Variants in SORBS2 observed in about 807,000 individuals in gnomAD.
SORBS2 encodes sorbin and SH3 domain containing 2, also known as sorbin and SH3 domain-containing protein 2.
Under a neutral mutation model 97.7 loss-of-function variants are expected in SORBS2, and 46 were observed. The observed-to-expected ratio is 0.47, with a 90% confidence interval of 0.37 to 0.60. The LOEUF is 0.60. Ranked by LOEUF, SORBS2 falls within the 20% of genes least tolerant of loss-of-function variation. SORBS2 has a pLI of 0.00. For synonymous variants in SORBS2, 476 were observed against 473.4 expected (o/e 1.01, Z -0.07); for missense variants, 1,316 against 1,282.3 (o/e 1.03, Z -0.40).
chr4:185,892,622 C>T (rs2099243067), intron 1 of SORBS2, among the ~76,000 whole-genome samples: 1 of 152,152 alleles, frequency 6.6e-6, no homozygotes, highest in African/African-American at 2.4e-5. Flanking sequence ...CATGTCGCAA[C>T]ATGGATGAAT....
intron 1 of SORBS2, among the ~76,000 whole-genome samples, chr4:185,868,712 G>C (rs759421056): frequency 1.1e-4 from 17 of 152,134 alleles, no homozygotes; most frequent in Non-Finnish European, 1.9e-4. Context: ...AAAGCTAAAG[G>C]TGTTCGGCAA....
intron 2 of SORBS2, among the ~76,000 whole-genome samples, chr4:185,731,417 C>G (rs1022749351): frequency 5.9e-5 from 9 of 151,950 alleles, no homozygotes; most frequent in African/African-American, 2.2e-4. Flanking sequence ...ATGCAATAAC[C>G]AAGCACTGGC....
At position 185,837,844 on chromosome 4, in the gene SORBS2, GA is replaced by G. The variant is rs376421948; in HGVS notation, c.-337-62479del. On this transcript the variant is annotated intron_variant, in intron 1 of 20. Transcript: ENST00000284776. Reference sequence around the variant, plus strand: ...CCCCAAAGGCATAATTTCTTTAATAGAAAAAAAAAAAACCCACATTGCTTTG... The same window carrying G: ...CCCCAAAGGCATAATTTCTTTAATAGAAAAAAAAAAACCCACATTGCTTTG... 1.6e-3 allele frequency among the ~76,000 whole-genome samples: 226 copies of G among 142,202 alleles called. 1 individual carries two copies. The highest frequency in any genetic ancestry group is 3.4e-3 in the Admixed American group (48 of 14,326). The allele number at this position is 142,202 out of a possible 152,430, so 93.3% of individuals were successfully genotyped here.
chr4:185,677,302 T>C (rs746962474), intron 4 of SORBS2: 23 of 1,552,114 alleles, frequency 1.5e-5, no homozygotes, highest in Non-Finnish European at 1.8e-5. Flanking sequence ...AAGGTAGAAA[T>C]CCTCCGAGTT....
intron 2 of SORBS2, among the ~76,000 whole-genome samples, chr4:185,747,713 C>G (rs2098771730): frequency 6.6e-6 from 1 of 152,150 alleles, no homozygotes; most frequent in Admixed American, 6.5e-5. Flanking sequence ...GAAAAATTGG[C>G]CTTTGCTCGG....
At chr4:185,659,200 T>TGCTTTATG (rs1387645607), upstream of SORBS2, among the ~76,000 whole-genome samples, 14 of 152,334 alleles carry the variant, frequency 9.2e-5, no homozygotes, top group African/African-American at 3.1e-4. Context: ...GTTATAAAAC[T>TGCTTTATG]GCTTTATGTG....
intron 1 of SORBS2, among the ~76,000 whole-genome samples, chr4:185,818,317 G>C (rs1464093503): frequency 6.6e-6 from 1 of 152,022 alleles, no homozygotes; most frequent in East Asian, 2.0e-4. Context: ...AGCCTCCCGA[G>C]TAGCTGGGAT....
chr4:185,624,824 A>G (rs1159053775), intron 6 of SORBS2, among the ~76,000 whole-genome samples: 1 of 152,242 alleles, frequency 6.6e-6, no homozygotes, highest in Non-Finnish European at 1.5e-5. Context: ...TTGCCAAAAC[A>G]CAATAGTGCT....
At chr4:185,691,990 GC>G (rs2098107151) in intron 2 of SORBS2, among the ~76,000 whole-genome samples, 1 of 152,158 alleles carries the variant, frequency 6.6e-6, no homozygotes, top group South Asian at 2.1e-4. Flanking sequence ...CTTGTGATCC[GC>G]CCGCCTCGGC....
At chr4:185,887,494 A>G (rs2099240269) in intron 1 of SORBS2, among the ~76,000 whole-genome samples, 1 of 152,252 alleles carries the variant, frequency 6.6e-6, no homozygotes, top group African/African-American at 2.4e-5. Flanking sequence ...TTATTATTCA[A>G]TGGTTTGACA....
intron 2 of SORBS2, among the ~76,000 whole-genome samples, chr4:185,691,817 T>C (rs1484892205): frequency 6.6e-6 from 1 of 152,082 alleles, no homozygotes; most frequent in African/African-American, 2.4e-5. Flanking sequence ...CGATCTCGGC[T>C]CACTGCAAGC....
At chr4:185,952,981 G>A (rs2099277900) in intron 1 of SORBS2, among the ~76,000 whole-genome samples, 1 of 152,070 alleles carries the variant, frequency 6.6e-6, no homozygotes, top group African/African-American at 2.4e-5. Context: ...CCACTTGTAG[G>A]TCTCTCTGTG....
At chr4:185,850,401 G>A (rs2099217182) in intron 1 of SORBS2, among the ~76,000 whole-genome samples, 1 of 152,136 alleles carries the variant, frequency 6.6e-6, no homozygotes, top group African/African-American at 2.4e-5. Context: ...GTTGTTAGAG[G>A]GAAAGAGGAC....
chr4:185,590,322 C>T (rs1221339157), intron 13 of SORBS2, among the ~76,000 whole-genome samples: 1 of 152,100 alleles, frequency 6.6e-6, no homozygotes, highest in Non-Finnish European at 1.5e-5. Context: ...TTTTTAATCA[C>T]TCTGTGTGAA....
chr4:185,828,536 C>T (rs1444173952), intron 1 of SORBS2, among the ~76,000 whole-genome samples: 5 of 152,012 alleles, frequency 3.3e-5, no homozygotes, highest in Admixed American at 1.3e-4. Flanking sequence ...CTGGTCATTT[C>T]GTTTCTATAA....
intron 1 of SORBS2, among the ~76,000 whole-genome samples, chr4:185,863,063 GAAGCTCTCAAGAACCTTAAATTATT>G (rs2099224803): frequency 6.6e-6 from 1 of 152,198 alleles, no homozygotes; most frequent in South Asian, 2.1e-4. Context: ...GGAATCTTGA[GAAGCTCTCAAGAACCTTAAATTATT>G]ATGTTAAGGT....
At chr4:185,945,193 C>T (rs2150010826) in intron 1 of SORBS2, among the ~76,000 whole-genome samples, 1 of 152,292 alleles carries the variant, frequency 6.6e-6, no homozygotes, top group South Asian at 2.1e-4. Flanking sequence ...GAAGTTTAGT[C>T]CACCTATTTG....
chr4:185,866,566 G>A (rs193128130), intron 1 of SORBS2, among the ~76,000 whole-genome samples: 182 of 152,230 alleles, frequency 1.2e-3, no homozygotes, highest in African/African-American at 3.1e-3. Context: ...TAACGGATTC[G>A]CTTGCTTTAG....
chr4:185,886,080 G>GTATTGCTAT (rs2099239276), intron 1 of SORBS2, among the ~76,000 whole-genome samples: 1 of 152,174 alleles, frequency 6.6e-6, no homozygotes, highest in Non-Finnish European at 1.5e-5. Flanking sequence ...ATGTGTTACA[G>GTATTGCTAT]GTGAACATAG....
Sources: allele counts gnomAD v4.1 joint callset (sites outside exome capture counted in the v4.1 genomes callset), GRCh38; gene constraint gnomAD v4.1.1; transcripts MANE v1.5; gene names NCBI Gene and HGNC (gene_info 2026-07-23, HGNC 2026-07-21).